Variants in CSMD1 observed in about 807,000 individuals in gnomAD.
CSMD1 encodes CUB and sushi domain-containing protein 1.
In CSMD1, 213 loss-of-function variants were observed where a neutral mutation model predicts 417.5. That is an observed-to-expected ratio of 0.51 (90% CI 0.46 to 0.57). CSMD1 has a LOEUF of 0.57. Among genes scored for constraint, CSMD1 ranks in the 20% least tolerant of loss-of-function variants. The probability of loss-of-function intolerance (pLI) is 0.00; values close to 1 mark genes in which losing one functional copy is unlikely to be tolerated. For missense variants in CSMD1, 6,923 were observed against 4,529.7 expected (o/e 1.53, Z -15.17); for synonymous variants, 2,862 against 1,736.8 (o/e 1.65, Z -16.11).
At chr8:3,832,336 T>C (rs192835453) in intron 5 of CSMD1, among the ~76,000 whole-genome samples, 1 of 152,224 alleles carries the variant, frequency 6.6e-6, no homozygotes, top group Non-Finnish European at 1.5e-5. Flanking sequence ...GTTCAAAATA[T>C]ATACCGCAAA....
Position 4,401,088 on chromosome 8 carries a change from A to C in CSMD1, c.415+18865T>G, listed in dbSNP as rs75061078. Among the ~76,000 whole-genome samples, 1,224 of 152,290 alleles carry C rather than the reference A, an allele frequency of 8.0e-3. 14 individuals are homozygous for C. Among genetic ancestry groups the C allele is most frequent in the African/African-American group, 0.028 (1,153 of 41,542 alleles). ...GATTTTAAGAAAATGAGTTTTTACA[A>C]AGAAAATTGAAGATAACCTTCTTCA... On this transcript the variant is annotated intron_variant, in intron 3 of 69. Coordinates refer to ENST00000635120, the MANE Select transcript of CSMD1 (RefSeq NM_033225.6).
intron 20 of CSMD1, among the ~76,000 whole-genome samples, chr8:3,365,788 T>C (rs916075313): frequency 1.3e-5 from 2 of 152,230 alleles, no homozygotes; most frequent in African/African-American, 4.8e-5. Flanking sequence ...ACCCCAACCC[T>C]TGTATTATTG....
At chr8:3,782,767 C>G (rs1412772460) in intron 5 of CSMD1, among the ~76,000 whole-genome samples, 1 of 152,116 alleles carries the variant, frequency 6.6e-6, no homozygotes, top group Non-Finnish European at 1.5e-5. Context: ...GAATAGAGAT[C>G]TAAATAAACT....
rs138615061 is a variant in CSMD1, at chr8:3,837,923, GT to G, written c.819-83882del. The stretch of plus-strand genomic sequence containing the variant: ...TTGGAAATGCACAGATGAATATACT[GT>G]TTTTCAAATAAATGTCCTTTAATTT... On this transcript the variant is annotated intron_variant, in intron 5 of 69. Coordinates refer to ENST00000635120, the MANE Select transcript of CSMD1 (RefSeq NM_033225.6). Among the ~76,000 whole-genome samples the G allele has an allele frequency of 7.4e-3, 1,126 of 152,162 alleles. 16 individuals carry two copies. The highest frequency in any genetic ancestry group is 0.024 in the African/African-American group (1,015 of 41,518).
At chr8:4,552,561 G>A (rs1797919928) in intron 2 of CSMD1, among the ~76,000 whole-genome samples, 2 of 152,034 alleles carry the variant, frequency 1.3e-5, no homozygotes, top group Admixed American at 6.6e-5. Flanking sequence ...GGAAGCACTA[G>A]TATCTTGGGC....
chr8:4,295,738 A>T (rs755677772), intron 3 of CSMD1, among the ~76,000 whole-genome samples: 3 of 34,334 alleles, frequency 8.7e-5, no homozygotes, highest in African/African-American at 3.9e-4. Flanking sequence ...GTGTGTGTGT[A>T]TATGTGTGTG....
intron 3 of CSMD1, among the ~76,000 whole-genome samples, chr8:4,308,102 G>A (rs1346360149): frequency 6.6e-6 from 1 of 152,146 alleles, no homozygotes; most frequent in African/African-American, 2.4e-5. Context: ...TGGCAGAAGT[G>A]GAGAGGGTGG....
At chr8:3,608,894 C>T (rs1044610822) in intron 8 of CSMD1, among the ~76,000 whole-genome samples, 2 of 152,162 alleles carry the variant, frequency 1.3e-5, no homozygotes, top group African/African-American at 4.8e-5. Context: ...TGTCCTTCTG[C>T]TCAGCATATG....
chr8:4,747,197 C>G (rs1811015356), intron 1 of CSMD1, among the ~76,000 whole-genome samples: 1 of 152,138 alleles, frequency 6.6e-6, no homozygotes, highest in Admixed American at 6.5e-5. Flanking sequence ...TTTCTTGTCT[C>G]TTGGAGAATT....
intron 10 of CSMD1, among the ~76,000 whole-genome samples, chr8:3,572,570 C>G (rs1799989196): frequency 6.6e-6 from 1 of 152,142 alleles, no homozygotes; most frequent in African/African-American, 2.4e-5. Context: ...TTAACTAAAC[C>G]ATTCCCTTGA....
chr8:4,296,859 T>G (rs1349299579), intron 3 of CSMD1, among the ~76,000 whole-genome samples: 1 of 152,032 alleles, frequency 6.6e-6, no homozygotes, highest in Non-Finnish European at 1.5e-5. Context: ...CTCCCAGACT[T>G]GTCTTAGACT....
intron 3 of CSMD1, among the ~76,000 whole-genome samples, chr8:4,259,239 C>G (rs1283440127): frequency 6.6e-6 from 1 of 152,254 alleles, no homozygotes; most frequent in East Asian, 1.9e-4. Flanking sequence ...ATGCGGGACA[C>G]AGACAATCTT....
chr8:3,472,651 T>A (rs1817173091), intron 11 of CSMD1, among the ~76,000 whole-genome samples: 2 of 152,114 alleles, frequency 1.3e-5, no homozygotes, highest in Admixed American at 1.3e-4. Context: ...TTTCCTGAAT[T>A]ATAGTCAGTG....
chr8:3,943,208 T>A (rs577217561), intron 5 of CSMD1, among the ~76,000 whole-genome samples: 1 of 152,210 alleles, frequency 6.6e-6, no homozygotes, highest in African/African-American at 2.4e-5. Flanking sequence ...TCGATTTTTA[T>A]CAACTGTTTT....
rs58183906 is a variant in CSMD1 at position 3,739,108 on chromosome 8, G to C, written c.931+14822C>G. Reference sequence around the variant, plus strand: ...AAAATAGTGGGGATTTATTCTATAAGTTTACATTTTATTTAGATCAGAGTT... The same window carrying C: ...AAAATAGTGGGGATTTATTCTATAACTTTACATTTTATTTAGATCAGAGTT... On this transcript the variant is annotated intron_variant, in intron 6 of 69. Transcript: ENST00000635120. Among the ~76,000 whole-genome samples the C allele has an allele frequency of 8.0e-3, 1,223 of 151,926 alleles. 19 individuals carry two copies. The highest frequency in any genetic ancestry group is 0.028 in the African/African-American group (1,151 of 41,512).
intron 1 of CSMD1, among the ~76,000 whole-genome samples, chr8:4,748,559 G>T (rs1299433640): frequency 6.6e-6 from 1 of 152,140 alleles, no homozygotes; most frequent in Non-Finnish European, 1.5e-5. Flanking sequence ...ACAGACATCA[G>T]GATTATTGGG....
At chr8:3,854,909 C>T (rs1038996864) in intron 5 of CSMD1, among the ~76,000 whole-genome samples, 6 of 152,128 alleles carry the variant, frequency 3.9e-5, no homozygotes, top group Admixed American at 3.9e-4. Context: ...ACTCGCAAAG[C>T]ATTTCTAACA....
At chr8:4,973,032 A>G (rs899814058) in intron 1 of CSMD1, among the ~76,000 whole-genome samples, 2 of 152,188 alleles carry the variant, frequency 1.3e-5, no homozygotes, top group Non-Finnish European at 1.5e-5. Context: ...ATTTTAAAAG[A>G]TGTAGTAAAG....
intron 50 of CSMD1, among the ~76,000 whole-genome samples, chr8:3,050,846 C>T (rs1380427918): frequency 1.3e-5 from 2 of 152,052 alleles, no homozygotes; most frequent in Non-Finnish European, 2.9e-5. Flanking sequence ...ATACTGTAGA[C>T]AAAAAGAAGC....
Sources: allele counts gnomAD v4.1 joint callset (sites outside exome capture counted in the v4.1 genomes callset), GRCh38; gene constraint gnomAD v4.1.1; transcripts MANE v1.5; gene names NCBI Gene and HGNC (gene_info 2026-07-23, HGNC 2026-07-21).